The following CARMIL1 variants were observed in gnomAD, a reference collection of about 807,000 sequenced individuals.
CARMIL1 encodes the protein capping protein regulator and myosin 1 linker 1, also known as F-actin-uncapping protein LRRC16A.
A neutral mutation model predicts 177.1 loss-of-function variants in CARMIL1; 90 were observed. The ratio of observed to expected loss-of-function variants is 0.51; its 90% CI spans 0.43 to 0.61. The LOEUF is 0.61. Among genes scored for constraint, CARMIL1 ranks in the 20% least tolerant of loss-of-function variants. The pLI is 0.00. For missense variants in CARMIL1, 1,380 were observed against 1,667.0 expected (o/e 0.83, Z 3.00); for synonymous variants, 577 against 606.2 (o/e 0.95, Z 0.71).
At chr6:25,598,216 T>C (rs1012725260) in intron 32 of CARMIL1, among the ~76,000 whole-genome samples, 33 of 152,104 alleles carry the variant, frequency 2.2e-4, no homozygotes, top group African/African-American at 7.5e-4. Flanking sequence ...TCCTTTTTTC[T>C]CTGTACTTTT....
Position 25,554,013 on chromosome 6 carries a change from G to C in CARMIL1, c.2509G>C (p.Val837Leu). 3 of 1,593,378 alleles carry C rather than the reference G, an allele frequency of 1.9e-6. No homozygotes were observed. The highest frequency in any genetic ancestry group is 2.6e-6 in the Non-Finnish European group (3 of 1,168,348). ...GTCCTTTTGATTTTCACACAGTGAAGTAAAATTGACAGTGGCCTCGTTCCT... is the reference window on the plus strand; with the variant it reads ...GTCCTTTTGATTTTCACACAGTGAACTAAAATTGACAGTGGCCTCGTTCCT... ...GIDILNKISE[V>L]KLTVASFLSD... The change falls in exon 28 of 37, where the codon GTA becomes CTA. Residue 837 changes from valine (V) to leucine (L), a missense_variant. Transcript: ENST00000329474. This position sits in a 1 kb window ranked among gnomAD's most constrained non-coding sequence, Gnocchi z 4.6.
At chr6:25,484,947 G>T (rs1214776321) in intron 12 of CARMIL1, among the ~76,000 whole-genome samples, 1 of 152,086 alleles carries the variant, frequency 6.6e-6, no homozygotes, top group Non-Finnish European at 1.5e-5. Context: ...GAGGTGGGAG[G>T]ATGCTTGAGC....
At chr6:25,419,795 A>G (rs1795680283) in intron 2 of CARMIL1, among the ~76,000 whole-genome samples, 1 of 152,142 alleles carries the variant, frequency 6.6e-6, no homozygotes. Context: ...GTGACTATGT[A>G]TCTTATGCAT....
chr6:25,364,547 A>G (rs1268224337), intron 2 of CARMIL1, among the ~76,000 whole-genome samples: 1 of 151,028 alleles, frequency 6.6e-6, no homozygotes, highest in Admixed American at 6.6e-5. Context: ...TAGCAATCCT[A>G]TATGGATTCT....
chr6:25,356,458 A>T (rs1788625941), intron 2 of CARMIL1, among the ~76,000 whole-genome samples: 1 of 152,224 alleles, frequency 6.6e-6, no homozygotes, highest in African/African-American at 2.4e-5. Flanking sequence ...AAATGGGTTT[A>T]AAAAACCAGA....
chr6:25,470,529 G>A (rs1257493441), intron 9 of CARMIL1, among the ~76,000 whole-genome samples: 2 of 152,094 alleles, frequency 1.3e-5, no homozygotes, highest in Admixed American at 1.3e-4. Flanking sequence ...CTACCAAAAT[G>A]GTCTTTTTAT....
At chr6:25,289,489 C>T (rs1355029161) in intron 2 of CARMIL1, among the ~76,000 whole-genome samples, 1 of 151,958 alleles carries the variant, frequency 6.6e-6, no homozygotes, top group Non-Finnish European at 1.5e-5. Context: ...TCCCTTTTTG[C>T]AAAATTACAG....
intron 28 of CARMIL1, among the ~76,000 whole-genome samples, chr6:25,556,092 C>T (rs1408562645): frequency 6.6e-6 from 1 of 152,168 alleles, no homozygotes; most frequent in Admixed American, 6.5e-5. Flanking sequence ...TGTAAACGTT[C>T]TCAAAGTTTC....
intron 2 of CARMIL1, among the ~76,000 whole-genome samples, chr6:25,327,072 C>T (rs949708533): frequency 3.3e-5 from 5 of 152,142 alleles, no homozygotes; most frequent in Non-Finnish European, 1.5e-5. Context: ...TCAAATACAG[C>T]TCAGCAGAAA....
At chr6:25,418,029 C>T (rs9467506) in intron 2 of CARMIL1, among the ~76,000 whole-genome samples, 53,294 of 151,940 alleles carry the variant, frequency 0.35, 9,486 homozygotes, top group Middle Eastern at 0.43. Context: ...CAAGGAGGCA[C>T]GATTGAGTAA....
intron 34 of CARMIL1, among the ~76,000 whole-genome samples, chr6:25,605,377 C>T (rs1815851396): frequency 6.6e-6 from 1 of 152,062 alleles, no homozygotes; most frequent in African/African-American, 2.4e-5. Context: ...AAGAAAATAC[C>T]TTAGATGAAA....
chr6:25,521,641 C>T lies in CARMIL1; in HGVS notation c.1968+1304C>T, dbSNP rs145266191. ...AAAATTAGCCTGACTAGGTGGCGGG[C>T]GCCTGTAGTCCCAGCTACTCGGAAG... On this transcript the variant is annotated intron_variant, in intron 23 of 36. Coordinates refer to ENST00000329474, the MANE Select transcript of CARMIL1 (RefSeq NM_017640.6). Among the ~76,000 whole-genome samples, 447 of 152,020 alleles carry T rather than the reference C, an allele frequency of 2.9e-3. 5 individuals carry two copies. The highest frequency in any genetic ancestry group is 9.6e-3 in the African/African-American group (400 of 41,460).
intron 5 of CARMIL1, among the ~76,000 whole-genome samples, chr6:25,436,294 T>C (rs1238780148): frequency 6.6e-6 from 1 of 152,088 alleles, no homozygotes; most frequent in Non-Finnish European, 1.5e-5. Context: ...ATAGGTATAG[T>C]CAAAATACCC....
At chr6:25,567,747 T>G (rs577656468) in intron 29 of CARMIL1, among the ~76,000 whole-genome samples, 12 of 152,366 alleles carry the variant, frequency 7.9e-5, no homozygotes, top group African/African-American at 2.9e-4. Flanking sequence ...CCACTCCACA[T>G]TATGCTTTTG....
At chr6:25,391,530 T>C (rs1246663853) in intron 2 of CARMIL1, among the ~76,000 whole-genome samples, 1 of 152,182 alleles carries the variant, frequency 6.6e-6, no homozygotes, top group African/African-American at 2.4e-5. Flanking sequence ...TGGGTTGAGG[T>C]TGGTCTGGAA....
At chr6:25,520,437 TTTAAA>T in intron 23 of CARMIL1, 100 bp downstream of exon 23, 2 of 692,944 alleles carry the variant, frequency 2.9e-6, no homozygotes, top group Middle Eastern at 5.8e-4. Context: ...ACGAAGTTTT[TTTAAA>T]TTTTATTTTA....
intron 17 of CARMIL1, among the ~76,000 whole-genome samples, chr6:25,500,855 G>A (rs1051249951): frequency 6.6e-6 from 1 of 151,764 alleles, no homozygotes; most frequent in African/African-American, 2.4e-5. Flanking sequence ...TGCCTCCTGG[G>A]TTCACGCCAT....
chr6:25,498,079 C>T lies in CARMIL1; in HGVS notation c.1326-2087C>T, dbSNP rs74604429. On this transcript the variant is annotated intron_variant, in intron 16 of 36. Coordinates refer to ENST00000329474, the MANE Select transcript of CARMIL1 (RefSeq NM_017640.6). ...TGTGAGTTCCTGGTTACTGCTCATT[C>T]TTGGTCTTTCATTTTCCCTCCCCCA... Among the ~76,000 whole-genome samples the T allele has an allele frequency of 8.6e-3, 1,308 of 152,248 alleles. 57 individuals are homozygous for T. Among genetic ancestry groups the T allele is most frequent in the Admixed American group, 0.072 (1,094 of 15,286 alleles).
At chr6:25,373,029 C>A (rs1461240889) in intron 2 of CARMIL1, among the ~76,000 whole-genome samples, 2 of 152,068 alleles carry the variant, frequency 1.3e-5, no homozygotes, top group Non-Finnish European at 2.9e-5. Flanking sequence ...TTAAAAAATT[C>A]TGTTTATATG....
Sources: gnomAD v4.1 joint callset for allele counts (sites outside exome capture counted in the v4.1 genomes callset) on GRCh38, gnomAD v4.1.1 for gene constraint, Gnocchi (gnomAD v3.1) non-coding constraint, MANE v1.5 for transcripts, NCBI Gene and HGNC (gene_info 2026-07-23, HGNC 2026-07-21) for gene names.